Variants in TMEM266 observed in about 807,000 individuals in gnomAD.
The protein encoded by TMEM266 is transmembrane protein 266, also known as Hv1 related protein 1.
Under a neutral mutation model 50.5 loss-of-function variants are expected in TMEM266, and 33 were observed. That is an observed-to-expected ratio of 0.65 (90% CI 0.50 to 0.87). The LOEUF is 0.87. Among genes scored for constraint, TMEM266 ranks in the 40% least tolerant of loss-of-function variants. TMEM266 has a pLI of 0.00. For synonymous variants in TMEM266, 310 were observed against 292.3 expected, an observed-to-expected ratio of 1.06 and a Z score of -0.62; for missense variants, 655 against 695.1, an observed-to-expected ratio of 0.94 and a Z score of 0.65.
At chr15:76,191,933 G>A (rs762736882) in intron 8 of TMEM266, 35 bp from the exon 9 acceptor site, 3 of 1,531,600 alleles carry the variant, frequency 2.0e-6, no homozygotes, top group Admixed American at 4.1e-5. Context: ...CCGGCCCCTC[G>A]CCGCTGATTC....
chr15:76,112,290 A>G (rs1372294860), intron 1 of TMEM266, among the ~76,000 whole-genome samples: 1 of 152,218 alleles, frequency 6.6e-6, no homozygotes, highest in Non-Finnish European at 1.5e-5. Context: ...AATATAAACT[A>G]TGGACTTTAA....
intron 1 of TMEM266, among the ~76,000 whole-genome samples, chr15:76,084,952 CTTTTT>C (rs2036752434): frequency 6.9e-6 from 1 of 144,824 alleles, no homozygotes; most frequent in Non-Finnish European, 1.5e-5. Flanking sequence ...TTTTCTTTTT[CTTTTT>C]CCTTTTTTTT....
At chr15:76,191,910 C>G in intron 8 of TMEM266, 58 bp from the exon 9 acceptor site, 1 of 1,479,858 alleles carries the variant, frequency 6.8e-7, no homozygotes, top group Non-Finnish European at 8.9e-7. Context: ...AGAGGTCAGG[C>G]TGGAGGCCCC....
chr15:76,176,259 C>A (rs1371290801), intron 8 of TMEM266: 1 of 153,792 alleles, frequency 6.5e-6, no homozygotes, highest in Non-Finnish European at 1.4e-5. Context: ...CTGCTGCTCC[C>A]ACCCCGCCGG....
intron 1 of TMEM266, among the ~76,000 whole-genome samples, chr15:76,084,342 A>G (rs1224031398): frequency 6.6e-6 from 1 of 152,146 alleles, no homozygotes; most frequent in Non-Finnish European, 1.5e-5. Context: ...AAAGAAAAAG[A>G]AAGGATGAGT....
chr15:76,159,912 A>C (rs893277705), intron 4 of TMEM266, among the ~76,000 whole-genome samples, 183 bp from the exon 5 acceptor site: 3 of 151,996 alleles, frequency 2.0e-5, no homozygotes, highest in African/African-American at 4.8e-5. Flanking sequence ...CAAATGTCCT[A>C]CTGCCTTCAC....
intron 1 of TMEM266, among the ~76,000 whole-genome samples, chr15:76,114,734 C>T (rs1301339994): frequency 6.6e-6 from 1 of 152,088 alleles, no homozygotes; most frequent in East Asian, 1.9e-4. Context: ...ACTGTTATGA[C>T]ATTTAGCGCA....
At chr15:76,075,080 A>G (rs60335912) in intron 1 of TMEM266, among the ~76,000 whole-genome samples, 2,520 of 152,220 alleles carry the variant, frequency 0.017, 96 homozygotes, top group African/African-American at 0.057. Context: ...ACATTTTACA[A>G]TCTGTGAGAC....
chr15:76,130,551 T>A lies in TMEM266; in HGVS notation c.-96-3617T>A, dbSNP rs28794874. 6.9e-3 allele frequency among the ~76,000 whole-genome samples: 1,051 copies of A among 152,322 alleles called. 6 individuals carry two copies. Among genetic ancestry groups the A allele is most frequent in the African/African-American group, 0.024 (1,002 of 41,576 alleles). On this transcript the variant is annotated intron_variant, in intron 1 of 10. Coordinates refer to ENST00000388942, the MANE Select transcript of TMEM266 (RefSeq NM_152335.3). ...AAACTGTGTCTCAAAGAAGAGATTG[T>A]TGACTTGGGGATGATGATAGTTTTG... is the stretch of plus-strand genomic sequence containing the variant.
intron 1 of TMEM266, among the ~76,000 whole-genome samples, chr15:76,130,356 G>C (rs1429262903): frequency 6.6e-6 from 1 of 151,114 alleles, no homozygotes; most frequent in Non-Finnish European, 1.5e-5. Flanking sequence ...TGGCCAACAT[G>C]GTGAAACCCC....
chr15:76,179,968 A>G (rs917998447), intron 8 of TMEM266, among the ~76,000 whole-genome samples: 1 of 152,118 alleles, frequency 6.6e-6, no homozygotes, highest in South Asian at 2.1e-4. Flanking sequence ...AAAACAAAAC[A>G]AAACAAAACA....
intron 1 of TMEM266, among the ~76,000 whole-genome samples, chr15:76,077,025 C>A (rs181015597): frequency 1.3e-5 from 2 of 152,064 alleles, no homozygotes; most frequent in African/African-American, 4.8e-5. Context: ...AGTGCAGTGG[C>A]ACAATCTTGG....
chr15:76,114,753 G>A (rs1237867171), intron 1 of TMEM266, among the ~76,000 whole-genome samples: 1 of 152,098 alleles, frequency 6.6e-6, no homozygotes, highest in East Asian at 1.9e-4. Context: ...CATCCACAGT[G>A]TTGTGCAATC....
chr15:76,142,704 A>C (rs2037698813), intron 3 of TMEM266, among the ~76,000 whole-genome samples: 1 of 152,174 alleles, frequency 6.6e-6, no homozygotes, highest in African/African-American at 2.4e-5. Context: ...AGTCGCCTTG[A>C]TGTGAAGTCA....
In TMEM266 at chr15:76,204,025, G is replaced by C; in HGVS notation, c.1306G>C (p.Glu436Gln). Residue 436 changes from glutamate to glutamine, a missense_variant, in exon 11 of 11, where the codon GAG becomes CAG. Physicochemically the swap from Glu to Gln is conservative, Grantham distance 29. Coordinates refer to ENST00000388942, the MANE Select transcript of TMEM266 (RefSeq NM_152335.3). ...GCCGCTGCCATCCCAGCAGCAGGTG[G>C]AGGAGGCCACAGTCCAGGACCTGCT... 1 of 1,609,952 alleles carries C rather than the reference G, an allele frequency of 6.2e-7. No homozygotes were observed.
intron 8 of TMEM266, 42 bp from the exon 9 acceptor site, chr15:76,191,926 G>GC (rs771618219): frequency 2.0e-6 from 3 of 1,522,126 alleles, no homozygotes; most frequent in Non-Finnish European, 2.6e-6. Context: ...GCCCCCGCCG[G>GC]CCCCTCGCCG....
At chr15:76,097,787 G>T (rs1451551255) in intron 1 of TMEM266, among the ~76,000 whole-genome samples, 1 of 151,960 alleles carries the variant, frequency 6.6e-6, no homozygotes, top group South Asian at 2.1e-4. Flanking sequence ...ATTTCTTGGA[G>T]GCTTTGTTTA....
chr15:76,072,465 C>G (rs1038756647), intron 1 of TMEM266, among the ~76,000 whole-genome samples: 4 of 146,986 alleles, frequency 2.7e-5, no homozygotes, highest in African/African-American at 1.0e-4. Flanking sequence ...AAAAAAGAAG[C>G]AGCACTGGAC....
intron 1 of TMEM266, among the ~76,000 whole-genome samples, chr15:76,093,596 T>C (rs932138013): frequency 6.6e-6 from 1 of 152,044 alleles, no homozygotes; most frequent in African/African-American, 2.4e-5. Flanking sequence ...GTCTTTATAG[T>C]AGCATGATTT....
Sources: gnomAD v4.1 joint callset for allele counts (sites outside exome capture counted in the v4.1 genomes callset) on GRCh38, gnomAD v4.1.1 for gene constraint, MANE v1.5 for transcripts, NCBI Gene and HGNC (gene_info 2026-07-23, HGNC 2026-07-21) for gene names.